The following ZNF804B variants were observed in gnomAD, a reference collection of about 807,000 sequenced individuals.
ZNF804B encodes the protein zinc finger 804B.
ZNF804B carries 80 observed loss-of-function variants against 101.4 expected under a neutral mutation model. That is an observed-to-expected ratio of 0.79 (90% CI 0.66 to 0.95). ZNF804B has a LOEUF of 0.95. ZNF804B is among the 40% of genes least tolerant of loss of function. ZNF804B has a pLI of 0.00. For missense variants in ZNF804B, 1,673 were observed against 1,561.9 expected (o/e 1.07, Z -1.20); for synonymous variants, 622 against 558.8 (o/e 1.11, Z -1.59).
intron 1 of ZNF804B, among the ~76,000 whole-genome samples, chr7:88,770,296 C>T (rs1233271174): frequency 6.6e-6 from 1 of 152,038 alleles, no homozygotes; most frequent in African/African-American, 2.4e-5. Flanking sequence ...ACAGTGGGGT[C>T]CAACTTAATC....
chr7:89,090,577 A>G (rs570839438), intron 1 of ZNF804B, among the ~76,000 whole-genome samples: 93 of 152,172 alleles, frequency 6.1e-4, no homozygotes, highest in Non-Finnish European at 1.2e-3. Context: ...CCTCATGATG[A>G]TTATTGGATT....
chr7:89,054,228 T>A (rs1789256599), intron 1 of ZNF804B, among the ~76,000 whole-genome samples: 1 of 150,562 alleles, frequency 6.6e-6, no homozygotes, highest in Admixed American at 6.7e-5. Context: ...TTAATTGCTG[T>A]CTTATATGTG....
chr7:88,786,678 A>C (rs1010109002), intron 1 of ZNF804B, among the ~76,000 whole-genome samples: 1 of 152,124 alleles, frequency 6.6e-6, no homozygotes, highest in African/African-American at 2.4e-5. Flanking sequence ...ACCTCATCTA[A>C]AGATAGCAAT....
chr7:88,835,623 A>G (rs1295030892), intron 1 of ZNF804B, among the ~76,000 whole-genome samples: 1 of 151,872 alleles, frequency 6.6e-6, no homozygotes, highest in Admixed American at 6.6e-5. Flanking sequence ...AAAAGTTACA[A>G]TAAAATTTGC....
chr7:89,093,112 C>T (rs551431380), intron 1 of ZNF804B, among the ~76,000 whole-genome samples: 22 of 152,214 alleles, frequency 1.4e-4, no homozygotes, highest in African/African-American at 5.3e-4. Context: ...TTCCAGCTAT[C>T]TCCCTTAACT....
At chr7:89,285,117 G>C (rs190121133) in intron 2 of ZNF804B, among the ~76,000 whole-genome samples, 4 of 152,088 alleles carry the variant, frequency 2.6e-5, no homozygotes, top group African/African-American at 9.7e-5. Flanking sequence ...TATTTGGAAG[G>C]CTGAGGCAGG....
chr7:89,314,699 C>T (rs38944), intron 2 of ZNF804B, among the ~76,000 whole-genome samples: 16,936 of 152,180 alleles, frequency 0.11, 967 homozygotes, highest in Non-Finnish European at 0.12. Context: ...CTAGAGAAAA[C>T]TGAGTAACTT....
intron 1 of ZNF804B, among the ~76,000 whole-genome samples, chr7:88,782,162 A>G (rs1304327270): frequency 2.0e-5 from 3 of 151,648 alleles, no homozygotes; most frequent in Admixed American, 6.6e-5. Flanking sequence ...GAGAGGAGAG[A>G]AAAAGAGATT....
At chr7:89,188,802 A>G (rs1429761495) in intron 1 of ZNF804B, among the ~76,000 whole-genome samples, 3 of 152,164 alleles carry the variant, frequency 2.0e-5, no homozygotes, top group Non-Finnish European at 4.4e-5. Context: ...TGTGAAAGCT[A>G]GGAGAGGTGA....
At chr7:89,249,553 A>G (rs1789508617) in intron 2 of ZNF804B, among the ~76,000 whole-genome samples, 1 of 152,160 alleles carries the variant, frequency 6.6e-6, no homozygotes, top group African/African-American at 2.4e-5. Context: ...TAACAAAACT[A>G]AGGCAGAAAT....
intron 2 of ZNF804B, among the ~76,000 whole-genome samples, chr7:89,285,546 A>AGAAGAAGAAGAAG (rs1554389596): frequency 1.1e-5 from 1 of 93,448 alleles, no homozygotes; most frequent in African/African-American, 5.0e-5. Flanking sequence ...AAAAAAAAAA[A>AGAAGAAGAAGAAG]AAGAAGAAGA....
At chr7:89,183,512 T>C (rs1192282796) in intron 1 of ZNF804B, among the ~76,000 whole-genome samples, 1 of 152,164 alleles carries the variant, frequency 6.6e-6, no homozygotes, top group Non-Finnish European at 1.5e-5. Flanking sequence ...TTTTAAAAAT[T>C]ATTTGTTCTT....
chr7:89,117,632 C>G, intron 1 of ZNF804B, among the ~76,000 whole-genome samples: 1 of 151,956 alleles, frequency 6.6e-6, no homozygotes, highest in East Asian at 1.9e-4. Context: ...ATTGTGATGC[C>G]TTTTTAGCCA....
intron 1 of ZNF804B, among the ~76,000 whole-genome samples, chr7:88,850,790 A>G (rs1018299455): frequency 6.6e-6 from 1 of 151,932 alleles, no homozygotes; most frequent in Non-Finnish European, 1.5e-5. Context: ...AAAAAGCAAG[A>G]CAAACAAACA....
intron 1 of ZNF804B, among the ~76,000 whole-genome samples, chr7:89,117,212 T>G (rs1437179641): frequency 6.6e-6 from 1 of 152,214 alleles, no homozygotes; most frequent in Non-Finnish European, 1.5e-5. Context: ...GATACTGTTT[T>G]AGACTTCTGG....
At chr7:88,884,913 A>G (rs1792101490) in intron 1 of ZNF804B, among the ~76,000 whole-genome samples, 1 of 151,874 alleles carries the variant, frequency 6.6e-6, no homozygotes, top group Non-Finnish European at 1.5e-5. Context: ...AGTCTCGTCC[A>G]TTGAATCAAG....
At chr7:89,333,267 A>C in intron 3 of ZNF804B, 96 bp from the exon 4 acceptor site, 1 of 1,220,390 alleles carries the variant, frequency 8.2e-7, no homozygotes, top group Non-Finnish European at 1.1e-6. Flanking sequence ...CATAAAATGT[A>C]AAATAACTCA....
At chr7:88,931,054 G>A (rs148006001) in intron 1 of ZNF804B, among the ~76,000 whole-genome samples, 89 of 151,948 alleles carry the variant, frequency 5.9e-4, no homozygotes, top group African/African-American at 1.9e-3. Context: ...TGTCTACTTT[G>A]TCACTGGCTC....
chr7:89,112,826 G>A (rs1245052144), intron 1 of ZNF804B, among the ~76,000 whole-genome samples: 1 of 152,190 alleles, frequency 6.6e-6, no homozygotes, highest in East Asian at 1.9e-4. Flanking sequence ...GGTGCGTCTT[G>A]ACCCTCAGTT....
Sources: allele counts gnomAD v4.1 joint callset (sites outside exome capture counted in the v4.1 genomes callset), GRCh38; gene constraint gnomAD v4.1.1; transcripts MANE v1.5; gene names NCBI Gene and HGNC (gene_info 2026-07-23, HGNC 2026-07-21).